Variants in KCNH5 observed in about 807,000 individuals in gnomAD.
The protein encoded by KCNH5 is voltage-gated delayed rectifier potassium channel KCNH5.
A neutral mutation model predicts 96.1 loss-of-function variants in KCNH5; 46 were observed. The ratio of observed to expected loss-of-function variants is 0.48; its 90% CI spans 0.38 to 0.61. KCNH5 has a LOEUF of 0.61. Ranked by LOEUF, KCNH5 falls within the 20% of genes least tolerant of loss-of-function variation. The probability of loss-of-function intolerance (pLI) is 0.00; values close to 1 mark genes in which losing one functional copy is unlikely to be tolerated. For missense variants in KCNH5, 907 were observed against 1,225.8 expected, an observed-to-expected ratio of 0.74 and a Z score of 3.88; for synonymous variants, 439 against 449.8, an observed-to-expected ratio of 0.98 and a Z score of 0.30.
At chr14:63,033,247 A>T (rs1191958450) in intron 1 of KCNH5, among the ~76,000 whole-genome samples, 1 of 152,230 alleles carries the variant, frequency 6.6e-6, no homozygotes, top group Non-Finnish European at 1.5e-5. Flanking sequence ...CTGAACAGCC[A>T]GGCCCCTAAC....
intron 9 of KCNH5, 90 bp downstream of exon 9, chr14:62,802,238 AC>A (rs1037942659): frequency 1.5e-6 from 2 of 1,367,244 alleles, no homozygotes; most frequent in African/African-American, 1.5e-5. Context: ...AAGTTACCAA[AC>A]AAAGGAAATT....
chr14:62,828,321 T>C (rs1228634305), intron 8 of KCNH5, among the ~76,000 whole-genome samples: 1 of 152,198 alleles, frequency 6.6e-6, no homozygotes, highest in Non-Finnish European at 1.5e-5. Flanking sequence ...AATCATTATG[T>C]GAATTATTTC....
In KCNH5 at chr14:63,001,407, T is replaced by C; in HGVS notation, c.357A>G (p.Glu119=). The change falls in exon 4 of 11, where the codon GAA becomes GAG. Residue 119 remains glutamate (E), a synonymous_variant. Transcript: ENST00000322893. ...AAGTACACAGGAACAAGACCACCTTTTCATGTTCATTTCTTATTGGTGCAA... is the reference window on the plus strand; with the variant it reads ...AAGTACACAGGAACAAGACCACCTTCTCATGTTCATTTCTTATTGGTGCAA... ...MQIAPIRNEH[E]KVVLFLCTFK... 1 of 1,612,620 alleles carries C rather than the reference T, an allele frequency of 6.2e-7. No homozygotes were observed. The highest frequency in any genetic ancestry group is 8.5e-7 in the Non-Finnish European group (1 of 1,179,260).
intron 7 of KCNH5, among the ~76,000 whole-genome samples, chr14:62,895,242 C>G (rs1888787445): frequency 6.6e-6 from 1 of 151,942 alleles, no homozygotes; most frequent in South Asian, 2.1e-4. Flanking sequence ...TAGAAAGATT[C>G]TGATGACTTA....
chr14:63,039,351 A>G (rs1208102343), intron 1 of KCNH5, among the ~76,000 whole-genome samples: 1 of 152,120 alleles, frequency 6.6e-6, no homozygotes, highest in Non-Finnish European at 1.5e-5. Flanking sequence ...CTCTGTATTT[A>G]ATTTTTAAAA....
chr14:62,736,534 A>T (rs1360906764), intron 10 of KCNH5, among the ~76,000 whole-genome samples: 1 of 152,114 alleles, frequency 6.6e-6, no homozygotes, highest in Non-Finnish European at 1.5e-5. Context: ...CGGCCCCAAG[A>T]TAACCTCCCT....
At chr14:62,794,498 C>A (rs1566662586) in intron 9 of KCNH5, among the ~76,000 whole-genome samples, 1 of 151,768 alleles carries the variant, frequency 6.6e-6, no homozygotes, top group Non-Finnish European at 1.5e-5. Context: ...CAGGGAGAAC[C>A]ACTTGATATT....
intron 8 of KCNH5, among the ~76,000 whole-genome samples, chr14:62,815,022 C>G (rs1886949964): frequency 6.6e-6 from 1 of 151,972 alleles, no homozygotes; most frequent in South Asian, 2.1e-4. Flanking sequence ...CTGAAAATTA[C>G]TCAAAGATTC....
chr14:62,882,045 A>G (rs553292929), intron 7 of KCNH5, among the ~76,000 whole-genome samples: 38 of 147,298 alleles, frequency 2.6e-4, no homozygotes, highest in African/African-American at 9.1e-4. Flanking sequence ...GGAAGGATCC[A>G]TTGAGGCCCA....
intron 9 of KCNH5, among the ~76,000 whole-genome samples, chr14:62,780,325 A>C (rs1382408417): frequency 6.6e-6 from 1 of 152,228 alleles, no homozygotes; most frequent in African/African-American, 2.4e-5. Context: ...CTGCTGTAAC[A>C]GCCTTTATAA....
At chr14:62,837,246 C>T (rs1887483132) in intron 8 of KCNH5, among the ~76,000 whole-genome samples, 1 of 152,204 alleles carries the variant, frequency 6.6e-6, no homozygotes, top group Non-Finnish European at 1.5e-5. Flanking sequence ...TTCAGTCCTA[C>T]TAGACTGTGA....
intron 6 of KCNH5, among the ~76,000 whole-genome samples, chr14:62,975,358 T>C (rs942582303): frequency 4.6e-5 from 7 of 151,860 alleles, no homozygotes; most frequent in South Asian, 4.2e-4. Flanking sequence ...TAAGGGGTAA[T>C]AAAGAGCCAA....
chr14:62,956,103 C>T (rs891390779), intron 6 of KCNH5, among the ~76,000 whole-genome samples: 3 of 152,164 alleles, frequency 2.0e-5, no homozygotes, highest in African/African-American at 7.2e-5. Context: ...TAAGCATAAT[C>T]TCTTGAACAG....
intron 6 of KCNH5, among the ~76,000 whole-genome samples, chr14:62,954,244 T>C (rs1176135660): frequency 6.6e-6 from 1 of 152,204 alleles, no homozygotes; most frequent in African/African-American, 2.4e-5. Context: ...ATCATCTCCC[T>C]GCCTCTGCCA....
rs1037750961 is a variant in KCNH5 at position 62,879,219 on chromosome 14, T to A, written c.1370-29367A>T. ...GATAAAGACTAAGAATAGAATATGT[T>A]GGAGAGAATACAGAGCAACTGGAAC... On this transcript the variant is annotated intron_variant, in intron 7 of 10. Transcript: ENST00000322893. 2.0e-5 allele frequency among the ~76,000 whole-genome samples: 3 copies of A among 152,180 alleles called. No individual in the cohort carries two copies. In the South Asian group the frequency reaches 6.2e-4, roughly 31 times the overall value.
Position 62,990,337 on chromosome 14 carries a change from G to T in KCNH5, c.434-3150C>A, listed in dbSNP as rs576867040. Among the ~76,000 whole-genome samples, 6 of 152,094 alleles carry T rather than the reference G, an allele frequency of 3.9e-5. No individual in the cohort carries two copies. In the East Asian group the frequency reaches 1.2e-3, roughly 29 times the overall value. The stretch of plus-strand genomic sequence containing the variant: ...AGACTACAACTGTGTTTCTTAAGGA[G>T]GAAGCAGTTGTTCCTAATACAAAAA... On this transcript the variant is annotated intron_variant, in intron 4 of 10. Transcript: ENST00000322893.
chr14:62,939,974 A>T (rs558647344), intron 7 of KCNH5, among the ~76,000 whole-genome samples: 1 of 152,156 alleles, frequency 6.6e-6, no homozygotes, highest in East Asian at 1.9e-4. Flanking sequence ...CTTACGTACA[A>T]TCTATTCTGG....
chr14:62,930,247 C>T (rs2140115208), intron 7 of KCNH5, among the ~76,000 whole-genome samples: 1 of 152,214 alleles, frequency 6.6e-6, no homozygotes, highest in African/African-American at 2.4e-5. Context: ...TACATTCCCA[C>T]CACAGTGTAG....
chr14:62,857,727 C>T (rs1471338747), intron 7 of KCNH5, among the ~76,000 whole-genome samples: 2 of 152,062 alleles, frequency 1.3e-5, no homozygotes, highest in Admixed American at 1.3e-4. Flanking sequence ...TGGTGCCCAC[C>T]CAGATTATGG....
Sources: gnomAD v4.1 joint callset for allele counts (sites outside exome capture counted in the v4.1 genomes callset) on GRCh38, gnomAD v4.1.1 for gene constraint, MANE v1.5 for transcripts, NCBI Gene and HGNC (gene_info 2026-07-23, HGNC 2026-07-21) for gene names.